PDE4D: variants seen among roughly 807,000 people sequenced by gnomAD.
The protein encoded by PDE4D is 3',5'-cyclic-AMP phosphodiesterase 4D.
PDE4D carries 24 observed loss-of-function variants against 87.4 expected under a neutral mutation model. That is an observed-to-expected ratio of 0.27 (90% CI 0.20 to 0.39). The LOEUF (loss-of-function observed/expected upper bound fraction) is 0.39. PDE4D is among the 10% of genes least tolerant of loss of function. The pLI, the probability that PDE4D is intolerant of heterozygous loss-of-function variation, is 1.00. For missense variants in PDE4D, 714 were observed against 1,041.0 expected (o/e 0.69, Z 4.32); for synonymous variants, 384 against 383.2 (o/e 1.00, Z -0.02).
At chr5:60,510,970 T>G (rs977868061) in intron 1 of PDE4D, among the ~76,000 whole-genome samples, 9 of 152,012 alleles carry the variant, frequency 5.9e-5, no homozygotes, top group South Asian at 2.1e-4. Context: ...TTGTTTTGTT[T>G]TGTTTTGTTT....
At chr5:60,337,351 C>CAATA (rs1491477498) in intron 1 of PDE4D, among the ~76,000 whole-genome samples, 30 of 62,254 alleles carry the variant, frequency 4.8e-4, no homozygotes, top group South Asian at 1.1e-3. Flanking sequence ...AACAAACAAA[C>CAATA]TATATATATA....
At chr5:60,000,041 G>A (rs72753251) in intron 2 of PDE4D, among the ~76,000 whole-genome samples, 3,399 of 151,360 alleles carry the variant, frequency 0.022, 59 homozygotes, top group Admixed American at 0.042. Flanking sequence ...GATACAAAGA[G>A]GAAAAAAAGA....
At chr5:59,837,944 A>G (rs1319511087) in intron 1 of PDE4D, among the ~76,000 whole-genome samples, 1 of 152,078 alleles carries the variant, frequency 6.6e-6, no homozygotes, top group Non-Finnish European at 1.5e-5. Flanking sequence ...GATTTCATTA[A>G]TTGTATTACT....
At chr5:59,021,704 A>G (rs1023213538) in intron 6 of PDE4D, among the ~76,000 whole-genome samples, 3 of 152,176 alleles carry the variant, frequency 2.0e-5, no homozygotes, top group Admixed American at 6.5e-5. Context: ...ACTCTACTGT[A>G]GGGCAGATTT....
intron 1 of PDE4D, among the ~76,000 whole-genome samples, chr5:59,782,043 T>C (rs987705846): frequency 6.6e-6 from 1 of 152,182 alleles, no homozygotes; most frequent in African/African-American, 2.4e-5. Flanking sequence ...TTTGAGTATG[T>C]GTTATGTTTT....
At chr5:59,815,780 T>C (rs890033768) in intron 1 of PDE4D, among the ~76,000 whole-genome samples, 3 of 152,184 alleles carry the variant, frequency 2.0e-5, no homozygotes, top group African/African-American at 7.2e-5. Flanking sequence ...CACAAATACA[T>C]AGATTCATAT....
At chr5:59,446,614 A>C (rs1245122258) in intron 1 of PDE4D, among the ~76,000 whole-genome samples, 1 of 152,234 alleles carries the variant, frequency 6.6e-6, no homozygotes, top group Non-Finnish European at 1.5e-5. Context: ...AATTTCAAAA[A>C]CATGTAGCAA....
chr5:60,181,524 G>C (rs2149500449), intron 2 of PDE4D, among the ~76,000 whole-genome samples: 1 of 152,230 alleles, frequency 6.6e-6, no homozygotes, highest in Middle Eastern at 3.4e-3. Context: ...TATCAAAAAA[G>C]AACAAGGAAC....
intron 2 of PDE4D, among the ~76,000 whole-genome samples, chr5:60,122,352 C>T (rs1468700641): frequency 6.6e-6 from 1 of 152,230 alleles, no homozygotes. Flanking sequence ...AGAGGTTTTC[C>T]ATGAGGGCCC....
chr5:59,970,056 C>T (rs1172905439), intron 3 of PDE4D, among the ~76,000 whole-genome samples: 2 of 152,058 alleles, frequency 1.3e-5, no homozygotes, highest in African/African-American at 4.8e-5. Flanking sequence ...TCATCTTTTT[C>T]CTCACGATTG....
chr5:59,242,346 A>C (rs570575650), intron 1 of PDE4D, among the ~76,000 whole-genome samples: 1 of 152,302 alleles, frequency 6.6e-6, no homozygotes, highest in East Asian at 1.9e-4. Context: ...GCAGGTGACC[A>C]GGAGAATCAC....
chr5:59,203,941 T>A (rs1748140682), intron 2 of PDE4D, among the ~76,000 whole-genome samples: 1 of 152,130 alleles, frequency 6.6e-6, no homozygotes, highest in Non-Finnish European at 1.5e-5. Context: ...AGATCTACTG[T>A]ACAGGCTGGT....
At chr5:59,048,599 A>G (rs750320150) in intron 5 of PDE4D, among the ~76,000 whole-genome samples, 109 of 152,342 alleles carry the variant, frequency 7.2e-4, no homozygotes, top group Non-Finnish European at 1.3e-3. Flanking sequence ...TTACTTGTCA[A>G]GGATCCCATC....
intron 1 of PDE4D, among the ~76,000 whole-genome samples, chr5:59,880,546 C>T (rs910483321): frequency 6.6e-6 from 1 of 152,186 alleles, no homozygotes. Flanking sequence ...ATTGAACATG[C>T]TTGACAAAGT....
intron 1 of PDE4D, among the ~76,000 whole-genome samples, chr5:59,273,358 T>C (rs1435371054): frequency 1.3e-5 from 2 of 152,088 alleles, no homozygotes; most frequent in African/African-American, 4.8e-5. Flanking sequence ...TATACATATA[T>C]ATACACACAA....
At chr5:59,105,635 C>A (rs1771464994) in intron 5 of PDE4D, among the ~76,000 whole-genome samples, 1 of 152,130 alleles carries the variant, frequency 6.6e-6, no homozygotes, top group Non-Finnish European at 1.5e-5. Context: ...GAATTTAAAA[C>A]ATAAATCCTG....
chr5:60,028,330 T>C (rs1432243907), intron 2 of PDE4D, among the ~76,000 whole-genome samples: 1 of 152,200 alleles, frequency 6.6e-6, no homozygotes, highest in Non-Finnish European at 1.5e-5. Context: ...GAGTAATGGG[T>C]GCCCCCAAAG....
intron 1 of PDE4D, among the ~76,000 whole-genome samples, chr5:60,225,532 T>C (rs1744988169): frequency 6.6e-6 from 1 of 152,090 alleles, no homozygotes; most frequent in African/African-American, 2.4e-5. Flanking sequence ...GTCTCTTACA[T>C]TAGTCACTAT....
At chr5:59,921,763 A>G (rs773458902) in intron 3 of PDE4D, among the ~76,000 whole-genome samples, 10 of 152,214 alleles carry the variant, frequency 6.6e-5, no homozygotes, top group Non-Finnish European at 8.8e-5. Context: ...ATGTTACAGA[A>G]TAAAAATTAT....
Sources: allele counts gnomAD v4.1 joint callset (sites outside exome capture counted in the v4.1 genomes callset), GRCh38; gene constraint gnomAD v4.1.1; transcripts MANE v1.5; gene names NCBI Gene and HGNC (gene_info 2026-07-23, HGNC 2026-07-21).